CEP70: variants seen among roughly 807,000 people sequenced by gnomAD.
CEP70 encodes the protein centrosomal protein 70.
CEP70 carries 70 observed loss-of-function variants against 90.9 expected under a neutral mutation model. The observed-to-expected ratio is 0.77, with a 90% CI of 0.64 to 0.94. CEP70 has a LOEUF of 0.94. Among genes scored for constraint, CEP70 ranks in the 40% least tolerant of loss-of-function variants. The pLI is 0.00. For synonymous variants in CEP70, 220 were observed against 228.3 expected (o/e 0.96, Z 0.33); for missense variants, 648 against 669.0 (o/e 0.97, Z 0.35).
chr3:138,550,590 T>C (rs2039546939), intron 6 of CEP70, among the ~76,000 whole-genome samples: 1 of 152,200 alleles, frequency 6.6e-6, no homozygotes, highest in Non-Finnish European at 1.5e-5. Context: ...CTCAAACTCC[T>C]GACCTCAGGT....
Position 138,505,435 on chromosome 3 carries a change from T to A in CEP70, c.1081A>T (p.Asn361Tyr). The change falls in exon 13 of 18, where the codon AAT becomes TAT. Residue 361 changes from asparagine (N) to tyrosine (Y), a missense_variant. Asn to Tyr is a moderately radical substitution (Grantham distance 143, BLOSUM62 -2). Transcript: ENST00000264982. ...VLCSINSIIH[N>Y]PRAPVIIYKQ... ...TAAATTATTACTGGAGCTCTTGGAT[T>A]GTGGATAATTGAATTGATGCTACAC... 1 of 1,606,888 alleles carries A rather than the reference T, an allele frequency of 6.2e-7. No homozygotes were observed. Among genetic ancestry groups the A allele is most frequent in the Non-Finnish European group, 8.5e-7 (1 of 1,177,602 alleles).
chr3:138,527,914 T>A (rs2037437558), intron 10 of CEP70, among the ~76,000 whole-genome samples: 1 of 150,970 alleles, frequency 6.6e-6, no homozygotes, highest in South Asian at 2.1e-4. Flanking sequence ...AACTGTTTCA[T>A]AGGTGTATAC....
intron 6 of CEP70, among the ~76,000 whole-genome samples, chr3:138,565,772 C>T (rs1006463088): frequency 3.3e-5 from 5 of 152,152 alleles, no homozygotes; most frequent in African/African-American, 1.2e-4. Flanking sequence ...TGGGCTAAGA[C>T]TTCATGACTA....
intron 6 of CEP70, among the ~76,000 whole-genome samples, chr3:138,545,104 G>A (rs945021772): frequency 7.2e-5 from 11 of 152,020 alleles, no homozygotes; most frequent in African/African-American, 2.4e-4. Context: ...TTGAGGTGAT[G>A]GATATCTCAT....
chr3:138,591,709 G>A, intron 2 of CEP70, 145 bp downstream of exon 2: 5 of 705,192 alleles, frequency 7.1e-6, no homozygotes, highest in African/African-American at 1.8e-5. Flanking sequence ...CAGCTTCTTT[G>A]CTGAGTTGTA....
At chr3:138,580,919 C>A (rs890398157) in intron 2 of CEP70, among the ~76,000 whole-genome samples, 3 of 151,932 alleles carry the variant, frequency 2.0e-5, no homozygotes, top group Admixed American at 2.0e-4. Flanking sequence ...CATAATTGAT[C>A]AAGCAGAAGA....
In CEP70 at chr3:138,558,124, C is replaced by T. The variant is rs139204725; in HGVS notation, c.465+12194G>A. On this transcript the variant is annotated intron_variant, in intron 6 of 17. Transcript: ENST00000264982. Reference sequence around the variant, plus strand: ...TCATGCCTGTAATCCCAGCACTTTGCGAGGCCGAGGCAGGCGGATTGCCTG... The same window carrying T: ...TCATGCCTGTAATCCCAGCACTTTGTGAGGCCGAGGCAGGCGGATTGCCTG... Among the ~76,000 whole-genome samples, 40 of 152,200 alleles carry T rather than the reference C, an allele frequency of 2.6e-4. No homozygotes were observed. The East Asian group carries it at 5.2e-3, about 20-fold the overall frequency.
intron 11 of CEP70, among the ~76,000 whole-genome samples, chr3:138,518,063 G>A (rs1576600531): frequency 6.6e-6 from 1 of 152,190 alleles, no homozygotes; most frequent in Non-Finnish European, 1.5e-5. Flanking sequence ...AGGGTCCTAC[G>A]CCCATGGAGC....
At chr3:138,548,630 A>C (rs1457908740) in intron 6 of CEP70, among the ~76,000 whole-genome samples, 3 of 152,238 alleles carry the variant, frequency 2.0e-5, no homozygotes, top group African/African-American at 7.2e-5. Context: ...CACATAAGGA[A>C]ACAAGACACC....
intron 11 of CEP70, among the ~76,000 whole-genome samples, chr3:138,509,982 G>A (rs1437309283): frequency 6.6e-6 from 1 of 152,148 alleles, no homozygotes; most frequent in African/African-American, 2.4e-5. Flanking sequence ...AAGTCATGAA[G>A]TGTGTCCTTT....
chr3:138,591,102 C>T (rs138784596), intron 2 of CEP70, among the ~76,000 whole-genome samples: 97 of 152,206 alleles, frequency 6.4e-4, no homozygotes, highest in African/African-American at 2.1e-3. Context: ...GTTGAACGTT[C>T]CTAATATGAA....
intron 8 of CEP70, among the ~76,000 whole-genome samples, chr3:138,532,080 G>T (rs1352367346): frequency 6.6e-6 from 1 of 152,072 alleles, no homozygotes; most frequent in Non-Finnish European, 1.5e-5. Context: ...TGATAAGTGT[G>T]TTTTAATCTA....
intron 6 of CEP70, among the ~76,000 whole-genome samples, chr3:138,540,527 G>C (rs1312095702): frequency 6.8e-6 from 1 of 147,606 alleles, no homozygotes; most frequent in Non-Finnish European, 1.5e-5. Flanking sequence ...TTAGAGAAAT[G>C]CAAATCAAAA....
chr3:138,496,131 A>G (rs922861551), intron 17 of CEP70: 1 of 985,326 alleles, frequency 1.0e-6, no homozygotes, highest in African/African-American at 1.7e-5. Context: ...GTAAGCCACA[A>G]TGGCAGGTTC....
At chr3:138,585,244 C>T (rs998007627) in intron 2 of CEP70, among the ~76,000 whole-genome samples, 10 of 152,054 alleles carry the variant, frequency 6.6e-5, no homozygotes, top group Non-Finnish European at 1.2e-4. Context: ...TTTCTATAAA[C>T]CAACAAGGAC....
intron 6 of CEP70, among the ~76,000 whole-genome samples, chr3:138,551,618 T>G (rs377196834): frequency 1.3e-5 from 2 of 151,772 alleles, no homozygotes; most frequent in Non-Finnish European, 2.9e-5. Flanking sequence ...TGTTGGCGTG[T>G]GTCTGTAGTT....
At chr3:138,593,523 T>C (rs1213233445) in intron 1 of CEP70, among the ~76,000 whole-genome samples, 1 of 152,206 alleles carries the variant, frequency 6.6e-6, no homozygotes, top group East Asian at 1.9e-4. Context: ...GCGCCCTGCC[T>C]GTTTAATATC....
At chr3:138,572,129 T>C (rs2041219360) in intron 3 of CEP70, among the ~76,000 whole-genome samples, 1 of 152,150 alleles carries the variant, frequency 6.6e-6, no homozygotes, top group Non-Finnish European at 1.5e-5. Flanking sequence ...AAAACATACC[T>C]GACTAGTTGG....
chr3:138,555,365 A>G (rs1290937593), intron 6 of CEP70, among the ~76,000 whole-genome samples: 1 of 152,182 alleles, frequency 6.6e-6, no homozygotes, highest in African/African-American at 2.4e-5. Flanking sequence ...ACATTGGATT[A>G]GGCAAAGATT....
Sources: allele counts gnomAD v4.1 joint callset (sites outside exome capture counted in the v4.1 genomes callset), GRCh38; gene constraint gnomAD v4.1.1; transcripts MANE v1.5; gene names NCBI Gene and HGNC (gene_info 2026-07-23, HGNC 2026-07-21).